The following ATP2B2 variants were observed in gnomAD, a reference collection of about 807,000 sequenced individuals.
ATP2B2 encodes the protein plasma membrane calcium-transporting ATPase 2.
ATP2B2 carries 15 observed loss-of-function variants against 120.0 expected under a neutral mutation model. The ratio of observed to expected loss-of-function variants is 0.12; its 90% CI spans 0.08 to 0.19. ATP2B2 has a LOEUF of 0.19. ATP2B2 is among the 10% of genes least tolerant of loss of function. ATP2B2 has a pLI of 1.00. For missense variants in ATP2B2, 1,045 were observed against 1,719.8 expected, an observed-to-expected ratio of 0.61 and a Z score of 6.94; for synonymous variants, 694 against 700.3, an observed-to-expected ratio of 0.99 and a Z score of 0.14.
intron 2 of ATP2B2, among the ~76,000 whole-genome samples, chr3:10,537,488 C>A (rs1260178926): frequency 2.0e-5 from 3 of 151,340 alleles, no homozygotes; most frequent in Admixed American, 6.6e-5. Context: ...GTCCACGTAT[C>A]CATTGCTAGT....
intron 5 of ATP2B2, among the ~76,000 whole-genome samples, chr3:10,392,526 A>G (rs1208511058): frequency 6.6e-6 from 1 of 152,262 alleles, no homozygotes; most frequent in Non-Finnish European, 1.5e-5. Context: ...GTCAAAGCGC[A>G]GTGGGCTAAA....
At chr3:10,380,549 C>T (rs924322042) in intron 8 of ATP2B2, among the ~76,000 whole-genome samples, 6 of 152,228 alleles carry the variant, frequency 3.9e-5, no homozygotes, top group African/African-American at 1.4e-4. Flanking sequence ...GAAACTGAGG[C>T]TCAGAGAGGG....
chr3:10,486,395 C>T (rs1038444925), intron 1 of ATP2B2, among the ~76,000 whole-genome samples: 16 of 151,518 alleles, frequency 1.1e-4, no homozygotes, highest in Non-Finnish European at 2.1e-4. Flanking sequence ...ATGTCAGGAT[C>T]AGCCCCAAAT....
intron 3 of ATP2B2, among the ~76,000 whole-genome samples, chr3:10,515,411 C>T (rs562653390): frequency 4.1e-4 from 63 of 152,280 alleles, no homozygotes; most frequent in African/African-American, 1.4e-3. Flanking sequence ...AGATATCGTT[C>T]GTTCATTTCT....
intron 12 of ATP2B2, among the ~76,000 whole-genome samples, chr3:10,363,707 T>C (rs1238805665): frequency 6.7e-6 from 1 of 148,212 alleles, no homozygotes; most frequent in Non-Finnish European, 1.5e-5. Flanking sequence ...TGGCTACTGT[T>C]AAAAAAAAAA....
rs58208242 is a variant in ATP2B2, at chr3:10,326,438, G to A, written c.*2376C>T. On this transcript the variant is annotated 3_prime_UTR_variant, in exon 23 of 23. Transcript: ENST00000360273. ...GCTCCGAATGAACATGGAGCATGGT[G>A]TGCAAACACAGCTATCCTGATGTCA... 3,140 of 334,890 alleles carry A rather than the reference G, an allele frequency of 9.4e-3. 26 individuals are homozygous for A. Among genetic ancestry groups the A allele is most frequent in the East Asian group, 0.02 (458 of 22,364 alleles). 20.7% of individuals were successfully genotyped at this position (334,890 alleles called of 1,614,324 possible).
chr3:10,650,348 T>A (rs1387970632), intron 1 of ATP2B2, among the ~76,000 whole-genome samples: 1 of 152,172 alleles, frequency 6.6e-6, no homozygotes, highest in East Asian at 1.9e-4. Flanking sequence ...CTTTGAACTT[T>A]GAACTTGAGA....
chr3:10,457,897 C>A (rs1030760293), intron 1 of ATP2B2, among the ~76,000 whole-genome samples: 1 of 152,152 alleles, frequency 6.6e-6, no homozygotes, highest in Non-Finnish European at 1.5e-5. Flanking sequence ...TGAGAGGGAT[C>A]CAGGGCTTCC....
At position 10,665,594 on chromosome 3, in the gene ATP2B2, A is replaced by G. The variant is rs563278538; in HGVS notation, c.-460+42321T>C. Reference sequence around the variant, plus strand: ...AGTGCCTGGCACCTACTAGGACTCTATAACTACTGCCTGAATCAATGAACA... The same window carrying G: ...AGTGCCTGGCACCTACTAGGACTCTGTAACTACTGCCTGAATCAATGAACA... On this transcript the variant is annotated intron_variant, in intron 1 of 21. Transcript: ENST00000646379. Among the ~76,000 whole-genome samples, 8 of 152,346 alleles carry G rather than the reference A, an allele frequency of 5.3e-5. No homozygotes were observed. The South Asian group carries it at 1.7e-3, about 32-fold the overall frequency.
intron 1 of ATP2B2, among the ~76,000 whole-genome samples, chr3:10,704,801 G>A (rs1354267002): frequency 6.6e-6 from 1 of 152,190 alleles, no homozygotes; most frequent in Non-Finnish European, 1.5e-5. Context: ...AAGAAATGCA[G>A]TTTTATTACT....
intron 1 of ATP2B2, among the ~76,000 whole-genome samples, chr3:10,482,432 A>G (rs1389756455): frequency 1.3e-5 from 2 of 152,170 alleles, no homozygotes; most frequent in Non-Finnish European, 2.9e-5. Flanking sequence ...TGCTGCCTCA[A>G]TTGCCACCTT....
At chr3:10,693,515 T>C (rs2071700018) in intron 1 of ATP2B2, among the ~76,000 whole-genome samples, 1 of 152,260 alleles carries the variant, frequency 6.6e-6, no homozygotes, top group Non-Finnish European at 1.5e-5. Flanking sequence ...CAGCAAAGCT[T>C]GATGCTTCCT....
intron 2 of ATP2B2, among the ~76,000 whole-genome samples, chr3:10,540,674 A>C (rs2067418021): frequency 7.5e-6 from 1 of 133,702 alleles, no homozygotes; most frequent in Non-Finnish European, 1.5e-5. Context: ...AACAATGAGA[A>C]CACTTGGGCA....
rs150311037 is a variant in ATP2B2, at chr3:10,584,949, G to T, written c.-415+34968C>A. ...CTCTTAGACCCCTCTGTTTCTGCAT[G>T]CCTTGCACCCATCCACAAGTCTTGC... On this transcript the variant is annotated intron_variant, in intron 2 of 21. Coordinates refer to the ATP2B2 transcript ENST00000646379. Among the ~76,000 whole-genome samples the T allele has an allele frequency of 2.3e-3, 347 of 152,244 alleles. 2 individuals are homozygous for T. The highest frequency in any genetic ancestry group is 7.9e-3 in the African/African-American group (330 of 41,546).
intron 14 of ATP2B2, among the ~76,000 whole-genome samples, chr3:10,353,710 T>G (rs538077997): frequency 2.2e-4 from 34 of 152,250 alleles, no homozygotes; most frequent in Non-Finnish European, 4.6e-4. Flanking sequence ...ATCAGCCATC[T>G]TCTGGGCCTC....
chr3:10,693,981 C>G (rs919843562), intron 1 of ATP2B2, among the ~76,000 whole-genome samples: 3 of 152,190 alleles, frequency 2.0e-5, no homozygotes, highest in African/African-American at 4.8e-5. Context: ...TTATTTATAA[C>G]TTTTTATTTG....
At chr3:10,485,796 C>CCTGGCT (rs1426447042) in intron 1 of ATP2B2, among the ~76,000 whole-genome samples, 1 of 152,094 alleles carries the variant, frequency 6.6e-6, no homozygotes, top group East Asian at 1.9e-4. Context: ...GTTGGGGCTT[C>CCTGGCT]CTGGCTCTGG....
At chr3:10,423,004 T>C (rs1316504622) in intron 2 of ATP2B2, among the ~76,000 whole-genome samples, 1 of 152,162 alleles carries the variant, frequency 6.6e-6, no homozygotes, top group Non-Finnish European at 1.5e-5. Context: ...TGGAAGGTGG[T>C]GACCAGGACT....
At position 10,379,556 on chromosome 3, in the gene ATP2B2, C is replaced by T. The variant is rs13100027; in HGVS notation, c.1001-272G>A. Among the ~76,000 whole-genome samples the T allele has an allele frequency of 0.09, 13,712 of 152,038 alleles. 917 individuals carry two copies. Among genetic ancestry groups the T allele is most frequent in the East Asian group, 0.29 (1,476 of 5,146 alleles). On this transcript the variant is annotated intron_variant, in intron 8 of 22. Transcript: ENST00000360273. Reference sequence around the variant, plus strand: ...CTGCTGGAATACTTTTGGCCTTGAGCGTGTTACAGATCAAAGGGAAGTATC... The same window carrying T: ...CTGCTGGAATACTTTTGGCCTTGAGTGTGTTACAGATCAAAGGGAAGTATC...
Sources: allele counts gnomAD v4.1 joint callset (sites outside exome capture counted in the v4.1 genomes callset), GRCh38; gene constraint gnomAD v4.1.1; transcripts MANE v1.5; gene names NCBI Gene and HGNC (gene_info 2026-07-23, HGNC 2026-07-21).